ZFPM2: variants seen among roughly 807,000 people sequenced by gnomAD.
ZFPM2 encodes zinc finger protein ZFPM2.
Under a neutral mutation model 98.6 loss-of-function variants are expected in ZFPM2, and 20 were observed. The observed-to-expected ratio is 0.20, with a 90% CI of 0.14 to 0.29. The LOEUF (loss-of-function observed/expected upper bound fraction) is 0.29. Among genes scored for constraint, ZFPM2 ranks in the 10% least tolerant of loss-of-function variants. ZFPM2 has a pLI of 1.00. For synonymous variants in ZFPM2, 518 were observed against 502.7 expected (o/e 1.03, Z -0.41); for missense variants, 1,310 against 1,388.6 (o/e 0.94, Z 0.90).
intron 5 of ZFPM2, among the ~76,000 whole-genome samples, chr8:105,715,907 C>T (rs1405730633): frequency 6.6e-6 from 1 of 151,962 alleles, no homozygotes; most frequent in African/African-American, 2.4e-5. Flanking sequence ...CTAGGTGATT[C>T]ATACGGAGTG....
chr8:105,709,581 C>A (rs142620709), intron 5 of ZFPM2, among the ~76,000 whole-genome samples: 99 of 152,024 alleles, frequency 6.5e-4, no homozygotes, highest in African/African-American at 9.9e-4. Flanking sequence ...AAGTTTGGGG[C>A]AAATAAATTG....
intron 1 of ZFPM2, among the ~76,000 whole-genome samples, chr8:105,368,563 A>T (rs1048441304): frequency 3.3e-5 from 5 of 151,770 alleles, no homozygotes; most frequent in Non-Finnish European, 7.4e-5. Flanking sequence ...AGGTTTTTAA[A>T]TTTTTTTTTC....
intron 3 of ZFPM2, among the ~76,000 whole-genome samples, chr8:105,478,651 G>A (rs1261824380): frequency 1.3e-5 from 2 of 152,168 alleles, no homozygotes; most frequent in African/African-American, 4.8e-5. Context: ...TGTTAGTACT[G>A]GGAAGTACCT....
intron 2 of ZFPM2, among the ~76,000 whole-genome samples, chr8:105,426,250 G>A (rs1811908246): frequency 6.6e-6 from 1 of 152,104 alleles, no homozygotes; most frequent in African/African-American, 2.4e-5. Flanking sequence ...GGGTGTGTTT[G>A]GACCAGGGAG....
chr8:105,803,072 T>C lies in ZFPM2; in HGVS notation c.2990T>C (p.Leu997Pro). Residue 997 changes from leucine to proline, a missense_variant, in exon 8 of 8, where the codon CTT becomes CCT. Coordinates refer to ENST00000407775, the MANE Select transcript of ZFPM2 (RefSeq NM_012082.4). Reference sequence around the variant, plus strand: ...CCAAGTGATTATATTTCTGGTTCTCTTGTCATCCATAACACTGACATCGAG... The same window carrying C: ...CCAAGTGATTATATTTCTGGTTCTCCTGTCATCCATAACACTGACATCGAG... ...IKPSDYISGS[L>P]VIHNTDIEQS... The C allele has an allele frequency of 6.2e-7, 1 of 1,613,852 alleles. No individual in the cohort carries two copies. Among genetic ancestry groups the C allele is most frequent in the Non-Finnish European group, 8.5e-7 (1 of 1,179,842 alleles).
chr8:105,525,161 C>G lies in ZFPM2; in HGVS notation c.302-36202C>G, dbSNP rs192337739. Among the ~76,000 whole-genome samples the G allele has an allele frequency of 5.9e-5, 9 of 152,178 alleles. 1 individual carries two copies. The South Asian group carries it at 1.9e-3, about 32-fold the overall frequency. ...CTCAAACTGAAACGTACACACAGAC[C>G]GTCACTAATATTTGGTTTTAGTTTT... On this transcript the variant is annotated intron_variant, in intron 3 of 7. Transcript: ENST00000407775.
At chr8:105,645,064 AT>A (rs535853589) in intron 5 of ZFPM2, among the ~76,000 whole-genome samples, 8 of 151,480 alleles carry the variant, frequency 5.3e-5, no homozygotes, top group Admixed American at 3.3e-4. Context: ...AAGGACAGGG[AT>A]TTTTTTTTCT....
chr8:105,380,647 A>ATTATATATAACATATATAT (rs1218073083), intron 1 of ZFPM2, among the ~76,000 whole-genome samples: 1 of 13,904 alleles, frequency 7.2e-5, no homozygotes, highest in African/African-American at 3.5e-4. Flanking sequence ...TATATATATT[A>ATTATATATAACATATATAT]TATATATATA....
chr8:105,739,710 AGTTTTTTGTTTTTT>A (rs905526528), intron 5 of ZFPM2, among the ~76,000 whole-genome samples: 5 of 151,542 alleles, frequency 3.3e-5, no homozygotes. Context: ...TCGCAGCTAT[AGTTTTTTGTTTTTT>A]GTTTTTTGTT....
intron 3 of ZFPM2, among the ~76,000 whole-genome samples, chr8:105,470,098 A>G (rs1195822907): frequency 6.6e-6 from 1 of 152,210 alleles, no homozygotes; most frequent in Non-Finnish European, 1.5e-5. Context: ...AAAACAATAT[A>G]TTAAAGAACT....
At chr8:105,738,379 C>T (rs1812134396) in intron 5 of ZFPM2, among the ~76,000 whole-genome samples, 1 of 152,034 alleles carries the variant, frequency 6.6e-6, no homozygotes, top group East Asian at 1.9e-4. Flanking sequence ...GCATAGTATT[C>T]TGTGGTGTCT....
intron 1 of ZFPM2, among the ~76,000 whole-genome samples, chr8:105,353,453 T>G (rs1277934167): frequency 1.3e-5 from 2 of 152,218 alleles, no homozygotes; most frequent in Admixed American, 6.5e-5. Flanking sequence ...TTGTTGTTGT[T>G]GTTAGATGTT....
At chr8:105,634,386 T>C (rs1816809028) in intron 5 of ZFPM2, 29 bp downstream of exon 5, 1 of 1,559,388 alleles carries the variant, frequency 6.4e-7, no homozygotes, top group Non-Finnish European at 8.8e-7. Context: ...CCCTCTCTCT[T>C]TGGAAGTATT....
chr8:105,780,754 C>T (rs989011387), intron 5 of ZFPM2, among the ~76,000 whole-genome samples: 1 of 152,168 alleles, frequency 6.6e-6, no homozygotes, highest in Admixed American at 6.5e-5. Context: ...GTGATCCCAG[C>T]CTGTAATCCC....
intron 6 of ZFPM2, chr8:105,795,708 C>CATAAAAAAG: frequency 2.6e-6 from 1 of 386,898 alleles, no homozygotes; most frequent in East Asian, 8.0e-5. Context: ...GATTTTACTT[C>CATAAAAAAG]ATAAAAAAGA....
At chr8:105,792,402 C>G (rs992107026) in intron 6 of ZFPM2, among the ~76,000 whole-genome samples, 3 of 152,092 alleles carry the variant, frequency 2.0e-5, no homozygotes, top group African/African-American at 4.8e-5. Flanking sequence ...GAGCGGTTTT[C>G]AGTGAGTTTC....
chr8:105,445,742 C>T (rs1468054283), intron 3 of ZFPM2, among the ~76,000 whole-genome samples: 1 of 151,660 alleles, frequency 6.6e-6, no homozygotes, highest in Non-Finnish European at 1.5e-5. Context: ...GTAGCTGGGA[C>T]TTCAGGCATG....
chr8:105,697,272 A>G (rs892453140), intron 5 of ZFPM2, among the ~76,000 whole-genome samples: 1 of 152,236 alleles, frequency 6.6e-6, no homozygotes, highest in African/African-American at 2.4e-5. Context: ...AGTATTATAA[A>G]TGCTGAAAGA....
intron 3 of ZFPM2, among the ~76,000 whole-genome samples, chr8:105,492,639 A>G (rs1813379628): frequency 6.6e-6 from 1 of 152,178 alleles, no homozygotes; most frequent in South Asian, 2.1e-4. Context: ...ATTTGCTTAC[A>G]GCTTTGCTCA....
Sources: gnomAD v4.1 joint callset for allele counts (sites outside exome capture counted in the v4.1 genomes callset) on GRCh38, gnomAD v4.1.1 for gene constraint, MANE v1.5 for transcripts, NCBI Gene and HGNC (gene_info 2026-07-23, HGNC 2026-07-21) for gene names.